KCNIP4: variants seen among roughly 807,000 people sequenced by gnomAD.
KCNIP4 encodes Kv channel-interacting protein 4.
In KCNIP4, 12 loss-of-function variants were observed where a neutral mutation model predicts 34.0. The observed-to-expected ratio is 0.35, with a 90% CI of 0.23 to 0.57. The LOEUF is 0.57. KCNIP4 is among the 20% of genes least tolerant of loss of function. The probability of loss-of-function intolerance (pLI) is 0.83; values close to 1 mark genes in which losing one functional copy is unlikely to be tolerated. For synonymous variants in KCNIP4, 124 were observed against 102.2 expected (o/e 1.21, Z -1.29); for missense variants, 238 against 311.7 (o/e 0.76, Z 1.78).
chr4:20,752,747 G>C (rs552671933), intron 4 of KCNIP4: 1 of 152,340 alleles, frequency 6.6e-6, no homozygotes, highest in African/African-American at 2.4e-5. Flanking sequence ...GGCTTTGACT[G>C]GGTGAGAGAA....
intron 1 of KCNIP4, among the ~76,000 whole-genome samples, chr4:21,735,604 A>G (rs993039831): frequency 8.5e-5 from 13 of 152,152 alleles, no homozygotes; most frequent in Non-Finnish European, 1.6e-4. Flanking sequence ...CTCCAAAATA[A>G]AGATTTGTTT....
chr4:21,144,555 G>A (rs1054549894), intron 1 of KCNIP4, among the ~76,000 whole-genome samples: 28 of 152,228 alleles, frequency 1.8e-4, no homozygotes, highest in Admixed American at 1.6e-3. Context: ...AAAACATACT[G>A]TAGAGCACAC....
At chr4:21,927,837 A>C (rs1295178151) in intron 1 of KCNIP4, among the ~76,000 whole-genome samples, 2 of 152,006 alleles carry the variant, frequency 1.3e-5, no homozygotes, top group Non-Finnish European at 2.9e-5. Flanking sequence ...TGCTCTGACA[A>C]TTGCTGCATG....
chr4:21,089,732 G>A (rs1484618019), intron 1 of KCNIP4, among the ~76,000 whole-genome samples: 5 of 151,894 alleles, frequency 3.3e-5, no homozygotes, highest in African/African-American at 1.2e-4. Flanking sequence ...CTCATTCTTG[G>A]GCCATTGCAA....
chr4:20,936,390 C>T (rs1169909926), intron 1 of KCNIP4, among the ~76,000 whole-genome samples: 1 of 147,186 alleles, frequency 6.8e-6, no homozygotes, highest in Non-Finnish European at 1.5e-5. Flanking sequence ...CTTTCATGTA[C>T]CAGGTACTAA....
intron 1 of KCNIP4, among the ~76,000 whole-genome samples, chr4:20,893,262 T>C (rs1176383906): frequency 6.6e-6 from 1 of 152,112 alleles, no homozygotes; most frequent in East Asian, 1.9e-4. Context: ...ATAGAGAAGG[T>C]GAAATAGGAA....
At chr4:21,855,046 T>C (rs1724663873) in intron 1 of KCNIP4, among the ~76,000 whole-genome samples, 2 of 152,172 alleles carry the variant, frequency 1.3e-5, no homozygotes, top group Non-Finnish European at 1.5e-5. Context: ...ATTCTTGTCT[T>C]TGACTAGAGA....
chr4:21,431,852 G>GA (rs71191503), intron 1 of KCNIP4, among the ~76,000 whole-genome samples: 1,822 of 143,774 alleles, frequency 0.013, 38 homozygotes, highest in African/African-American at 0.043. Context: ...AACATTTTAG[G>GA]AAAAAAAAAA....
chr4:21,554,691 T>C (rs987669276), intron 1 of KCNIP4, among the ~76,000 whole-genome samples: 1 of 152,066 alleles, frequency 6.6e-6, no homozygotes, highest in African/African-American at 2.4e-5. Context: ...CTGGTTTGTG[T>C]CACGTCCCCC....
At chr4:21,383,997 C>G (rs940052487) in intron 1 of KCNIP4, among the ~76,000 whole-genome samples, 3 of 152,160 alleles carry the variant, frequency 2.0e-5, no homozygotes, top group African/African-American at 7.2e-5. Context: ...TCACCCCATC[C>G]CCAGCCACAT....
intron 1 of KCNIP4, among the ~76,000 whole-genome samples, chr4:21,205,166 T>C (rs1756760995): frequency 6.6e-6 from 1 of 152,242 alleles, no homozygotes; most frequent in South Asian, 2.1e-4. Context: ...TTTCTGAGTG[T>C]AATTCCACAA....
intron 1 of KCNIP4, among the ~76,000 whole-genome samples, chr4:21,754,133 C>T (rs891311848): frequency 6.6e-6 from 1 of 152,168 alleles, no homozygotes; most frequent in Non-Finnish European, 1.5e-5. Flanking sequence ...AAGCATTGTA[C>T]CTTCAATTTG....
intron 1 of KCNIP4, among the ~76,000 whole-genome samples, chr4:20,975,975 T>G (rs1242418645): frequency 6.6e-6 from 1 of 152,216 alleles, no homozygotes; most frequent in African/African-American, 2.4e-5. Context: ...GCTGCTTTTG[T>G]GCTACAACAG....
intron 1 of KCNIP4, among the ~76,000 whole-genome samples, chr4:21,452,738 C>T (rs1472663727): frequency 7.0e-6 from 1 of 143,262 alleles, no homozygotes; most frequent in African/African-American, 2.6e-5. Context: ...GAAGTCAGAG[C>T]ATGGGAAGAA....
chr4:21,445,448 A>G, intron 1 of KCNIP4, among the ~76,000 whole-genome samples: 1 of 152,208 alleles, frequency 6.6e-6, no homozygotes, highest in East Asian at 1.9e-4. Flanking sequence ...GGAACAGAAC[A>G]GAGCCCTCAG....
chr4:21,784,156 C>T (rs1014415159), intron 1 of KCNIP4, among the ~76,000 whole-genome samples: 1 of 151,850 alleles, frequency 6.6e-6, no homozygotes, highest in African/African-American at 2.4e-5. Context: ...GGTCGAAGTG[C>T]CAGATACTTA....
intron 1 of KCNIP4, among the ~76,000 whole-genome samples, chr4:21,132,407 C>G (rs1751136651): frequency 6.6e-6 from 1 of 152,170 alleles, no homozygotes; most frequent in Admixed American, 6.5e-5. Context: ...GCCATTTATC[C>G]TCTTGGATAC....
At chr4:21,872,980 A>T (rs1269307793) in intron 1 of KCNIP4, among the ~76,000 whole-genome samples, 3 of 152,170 alleles carry the variant, frequency 2.0e-5, no homozygotes, top group Admixed American at 2.0e-4. Flanking sequence ...ATGATTTCCA[A>T]CATGGTCCAT....
At chr4:21,091,550 A>G (rs1746998057) in intron 1 of KCNIP4, among the ~76,000 whole-genome samples, 1 of 152,186 alleles carries the variant, frequency 6.6e-6, no homozygotes, top group Admixed American at 6.5e-5. Context: ...TTATGTATGA[A>G]ATCTCCTTTC....
Sources: gnomAD v4.1 joint callset for allele counts (sites outside exome capture counted in the v4.1 genomes callset) on GRCh38, gnomAD v4.1.1 for gene constraint, MANE v1.5 for transcripts, NCBI Gene and HGNC (gene_info 2026-07-23, HGNC 2026-07-21) for gene names.